OR6N1: variants seen among roughly 807,000 people sequenced by gnomAD.
The protein encoded by OR6N1 is olfactory receptor 6N1.
For synonymous variants in OR6N1, 170 were observed against 150.7 expected (o/e 1.13, Z -0.94); for missense variants, 394 against 371.7 (o/e 1.06, Z -0.49).
chr1:158,808,773 C>T, the OR6N1 span: 1 of 152,602 alleles, frequency 6.6e-6, no homozygotes, highest in Middle Eastern at 3.4e-3. Context: ...CTTGTGTCCA[C>T]ACATGCCAAC....
the OR6N1 span, among the ~76,000 whole-genome samples, chr1:158,825,991 A>G: frequency 6.6e-6 from 1 of 152,198 alleles, no homozygotes; most frequent in Admixed American, 6.5e-5. Flanking sequence ...CTCAATAACT[A>G]GAGGCCATTA....
At chr1:158,795,037 G>A in the OR6N1 span, among the ~76,000 whole-genome samples, 1 of 152,174 alleles carries the variant, frequency 6.6e-6, no homozygotes, top group Non-Finnish European at 1.5e-5. Context: ...GGGGGGCTGA[G>A]CCAGGTAAGT....
At chr1:158,818,394 T>C in the OR6N1 span, among the ~76,000 whole-genome samples, 27,531 of 152,098 alleles carry the variant, frequency 0.18, 2,715 homozygotes, top group Admixed American at 0.27. Flanking sequence ...TAAAAAAGGG[T>C]CAATTTTCAG....
the OR6N1 span, among the ~76,000 whole-genome samples, chr1:158,815,528 C>T: frequency 2.6e-5 from 4 of 152,256 alleles, no homozygotes; most frequent in Admixed American, 2.6e-4. Flanking sequence ...CAGAGATATA[C>T]ACAGGATGCT....
the OR6N1 span, among the ~76,000 whole-genome samples, chr1:158,828,558 A>G: frequency 6.6e-6 from 1 of 152,120 alleles, no homozygotes; most frequent in Non-Finnish European, 1.5e-5. Context: ...GGGCAGCTCC[A>G]CCCCTGTGGT....
At chr1:158,784,946 C>A in the OR6N1 span, among the ~76,000 whole-genome samples, 1 of 152,130 alleles carries the variant, frequency 6.6e-6, no homozygotes, top group South Asian at 2.1e-4. Context: ...ATGTTTACTG[C>A]ACCAGTAATC....
the OR6N1 span, among the ~76,000 whole-genome samples, chr1:158,833,050 C>A: frequency 6.6e-6 from 1 of 152,120 alleles, no homozygotes; most frequent in Non-Finnish European, 1.5e-5. Context: ...CAAACTCTCA[C>A]ATCTTCTGGT....
At chr1:158,776,762 G>C (rs1304966995), upstream of OR6N1, 1 of 1,613,896 alleles carries the variant, frequency 6.2e-7, no homozygotes, top group East Asian at 2.2e-5. Context: ...TTGTTACGAA[G>C]ACTGTAGATA....
chr1:158,814,398 G>A, the OR6N1 span, among the ~76,000 whole-genome samples: 1 of 152,126 alleles, frequency 6.6e-6, no homozygotes, highest in Non-Finnish European at 1.5e-5. Context: ...AAAAGATAAG[G>A]CCAAAGAGTT....
At chr1:158,771,602 C>A (rs1657424896) in intron 1 of OR6N1, among the ~76,000 whole-genome samples, 1 of 152,180 alleles carries the variant, frequency 6.6e-6, no homozygotes, top group Non-Finnish European at 1.5e-5. Context: ...GCATTCTTTT[C>A]TTCAGATACC....
chr1:158,783,613 T>C, the OR6N1 span, among the ~76,000 whole-genome samples: 1 of 152,326 alleles, frequency 6.6e-6, no homozygotes, highest in East Asian at 1.9e-4. Context: ...ATTCTATTCA[T>C]TGCATCCTGG....
At position 158,766,664 on chromosome 1, in the gene OR6N1, T is replaced by C; in HGVS notation, c.19A>G (p.Ser7Gly). MDTGNW[S>G]QVAEFIILGF... Reference sequence around the variant, plus strand: ...AAGATGATGAATTCTGCTACCTGGCTCCAGTTCCCTGTGTCCATTGCTCAC... The same window carrying C: ...AAGATGATGAATTCTGCTACCTGGCCCCAGTTCCCTGTGTCCATTGCTCAC... Residue 7 changes from serine to glycine, a missense_variant, in exon 2 of 2, where the codon AGC becomes GGC. By Grantham distance (56) the Ser-to-Gly change is moderately conservative (BLOSUM62 0). Transcript: ENST00000641846. 2 of 1,610,788 alleles carry C rather than the reference T, an allele frequency of 1.2e-6. No homozygotes were observed. Among genetic ancestry groups the C allele is most frequent in the Non-Finnish European group, 1.7e-6 (2 of 1,179,084 alleles).
rs769907665 is a variant in OR6N1, at chr1:158,765,827, TGA to T, written c.854_855del (p.Leu285GlnfsTer32). The T allele has an allele frequency of 6.8e-6, 11 of 1,614,028 alleles. No individual in the cohort carries two copies. Among genetic ancestry groups the T allele is most frequent in the Non-Finnish European group, 9.3e-6 (11 of 1,180,006 alleles). ...TTGCGCAAGCTGTAGATGAAGGGGT[TGA>T]GGAAGGGTGTGAGCACTGAGTAGAC... ...AVVYSVLTPF[L>X]NPFIYSLRNK... On this transcript the variant is annotated frameshift_variant, in exon 2 of 2. Transcript: ENST00000641846. LOFTEE classifies it low-confidence loss of function (END_TRUNC).
the OR6N1 span, among the ~76,000 whole-genome samples, chr1:158,791,324 A>G: frequency 1.3e-5 from 2 of 152,182 alleles, no homozygotes; most frequent in African/African-American, 4.8e-5. Context: ...TTTGAAAAAA[A>G]TTAATTTTTC....
chr1:158,822,615 C>T, the OR6N1 span, among the ~76,000 whole-genome samples: 2 of 152,118 alleles, frequency 1.3e-5, no homozygotes, highest in African/African-American at 4.8e-5. Flanking sequence ...AAGACAAAGA[C>T]TGTGTGGTTC....
chr1:158,826,442 C>A, the OR6N1 span, among the ~76,000 whole-genome samples: 1 of 151,992 alleles, frequency 6.6e-6, no homozygotes, highest in Non-Finnish European at 1.5e-5. Flanking sequence ...TCTGCATGCT[C>A]GATTGTATTT....
the OR6N1 span, among the ~76,000 whole-genome samples, chr1:158,798,999 G>C: frequency 2.9e-4 from 44 of 152,284 alleles, no homozygotes; most frequent in East Asian, 5.6e-3. Context: ...ACCAATTGGA[G>C]TAGACGGCTG....
At chr1:158,814,526 A>C in the OR6N1 span, among the ~76,000 whole-genome samples, 3 of 152,218 alleles carry the variant, frequency 2.0e-5, no homozygotes, top group South Asian at 2.1e-4. Flanking sequence ...TTGAGGCTTG[A>C]AAGTAGAAGA....
chr1:158,794,058 A>G, the OR6N1 span, among the ~76,000 whole-genome samples: 2 of 151,978 alleles, frequency 1.3e-5, no homozygotes, highest in South Asian at 4.2e-4. Flanking sequence ...GGCGATAGTG[A>G]CTCTACCTCT....
Sources: gnomAD v4.1 joint callset for allele counts (sites outside exome capture counted in the v4.1 genomes callset) on GRCh38, gnomAD v4.1.1 for gene constraint, MANE v1.5 for transcripts, NCBI Gene and HGNC (gene_info 2026-07-23, HGNC 2026-07-21) for gene names.